LRRC37A2: variants seen among roughly 807,000 people sequenced by gnomAD.
LRRC37A2 encodes leucine-rich repeat-containing protein 37A2.
LRRC37A2 carries 9 observed loss-of-function variants against 68.8 expected under a neutral mutation model. The observed-to-expected ratio is 0.13, with a 90% CI of 0.08 to 0.23. The LOEUF (loss-of-function observed/expected upper bound fraction) is 0.23. Among genes scored for constraint, LRRC37A2 ranks in the 10% least tolerant of loss-of-function variants. LRRC37A2 has a pLI of 1.00. For synonymous variants in LRRC37A2, 63 were observed against 367.6 expected, an observed-to-expected ratio of 0.17 and a Z score of 9.48; for missense variants, 168 against 950.4, an observed-to-expected ratio of 0.18 and a Z score of 10.82.
the LRRC37A2 span, among the ~76,000 whole-genome samples, chr17:46,610,077 CTTCT>C: frequency 1.7e-3 from 154 of 90,228 alleles, 11 homozygotes; most frequent in Middle Eastern, 6.5e-3. Flanking sequence ...CCTTTCTTTC[CTTCT>C]TTCTTTCTTT....
chr17:46,979,251 T>C, the LRRC37A2 span: 10 of 367,144 alleles, frequency 2.7e-5, no homozygotes, highest in East Asian at 4.6e-4. Flanking sequence ...GAGAACCTAG[T>C]GTGCTTAGCG....
At chr17:46,887,460 T>C in the LRRC37A2 span, among the ~76,000 whole-genome samples, 6 of 152,074 alleles carry the variant, frequency 3.9e-5, no homozygotes, top group Non-Finnish European at 7.4e-5. Flanking sequence ...ATAGATATCT[T>C]TCTATAGCAA....
chr17:47,041,299 A>AGCT, the LRRC37A2 span, among the ~76,000 whole-genome samples: 118 of 4,748 alleles, frequency 0.025, no homozygotes, highest in Non-Finnish European at 0.03. Context: ...CACTGTTCTT[A>AGCT]CAGAAATTTT....
chr17:46,816,149 GCACA>G, the LRRC37A2 span, among the ~76,000 whole-genome samples: 25 of 131,188 alleles, frequency 1.9e-4, no homozygotes, highest in Non-Finnish European at 3.0e-4. Context: ...ACGCACGCAC[GCACA>G]CACACACTCA....
chr17:46,906,534 T>C, the LRRC37A2 span, among the ~76,000 whole-genome samples: 1 of 152,248 alleles, frequency 6.6e-6, no homozygotes, highest in Non-Finnish European at 1.5e-5. Context: ...ATCATCCTCA[T>C]GCCTCAGCCT....
chr17:46,822,342 C>T, the LRRC37A2 span, among the ~76,000 whole-genome samples: 1 of 152,198 alleles, frequency 6.6e-6, no homozygotes, highest in Admixed American at 6.5e-5. Context: ...TTTCCACTGC[C>T]CAGCCTAGTT....
chr17:46,779,053 T>TCACAAACACA, the LRRC37A2 span, among the ~76,000 whole-genome samples: 2 of 100,612 alleles, frequency 2.0e-5, no homozygotes, highest in African/African-American at 8.9e-5. Flanking sequence ...CCCTACCCCA[T>TCACAAACACA]CACACACACA....
At chr17:46,761,051 T>C in the LRRC37A2 span, among the ~76,000 whole-genome samples, 1 of 152,148 alleles carries the variant, frequency 6.6e-6, no homozygotes, top group African/African-American at 2.4e-5. Flanking sequence ...ATTAGCTTTA[T>C]GCAAAAGAAA....
At chr17:46,611,429 AAAAG>A in the LRRC37A2 span, among the ~76,000 whole-genome samples, 4 of 48,740 alleles carry the variant, frequency 8.2e-5, no homozygotes, top group African/African-American at 4.1e-4. Context: ...AGTCTTGAAA[AAAAG>A]AGAACAAAAT....
chr17:46,737,908 ATATTAT>A, the LRRC37A2 span, among the ~76,000 whole-genome samples: 5,976 of 145,800 alleles, frequency 0.041, 285 homozygotes, highest in African/African-American at 0.11. Flanking sequence ...TAAAATTAGC[ATATTAT>A]TATTATTATT....
At chr17:46,783,385 C>T in the LRRC37A2 span, among the ~76,000 whole-genome samples, 1 of 152,224 alleles carries the variant, frequency 6.6e-6, no homozygotes, top group Non-Finnish European at 1.5e-5. Context: ...TCATTCACTG[C>T]CTATTCACTC....
At chr17:46,491,040 G>C in the LRRC37A2 span, among the ~76,000 whole-genome samples, 2 of 150,638 alleles carry the variant, frequency 1.3e-5, 1 homozygote, top group African/African-American at 5.0e-5. Flanking sequence ...GACTACAGGT[G>C]CTCGCTGCCA....
At chr17:46,939,287 A>G in the LRRC37A2 span, 16 of 1,023,458 alleles carry the variant, frequency 1.6e-5, no homozygotes, top group Non-Finnish European at 1.8e-5. Flanking sequence ...TGACATGTAG[A>G]TGACTGACTG....
chr17:46,795,004 G>A, the LRRC37A2 span, among the ~76,000 whole-genome samples: 1 of 152,028 alleles, frequency 6.6e-6, no homozygotes, highest in South Asian at 2.1e-4. Flanking sequence ...GCCCGCCTCG[G>A]CCTCCCAAAA....
chr17:46,927,447 T>C, the LRRC37A2 span, among the ~76,000 whole-genome samples: 6 of 152,222 alleles, frequency 3.9e-5, no homozygotes, highest in Non-Finnish European at 4.4e-5. Flanking sequence ...GATTTTGTCT[T>C]ATTTAAGAAA....
chr17:46,859,156 A>C, the LRRC37A2 span, among the ~76,000 whole-genome samples: 1 of 150,084 alleles, frequency 6.7e-6, no homozygotes, highest in African/African-American at 2.5e-5. Flanking sequence ...TTGTATTTTT[A>C]GTGGAGATGG....
At chr17:46,878,392 G>A in the LRRC37A2 span, among the ~76,000 whole-genome samples, 1 of 152,212 alleles carries the variant, frequency 6.6e-6, no homozygotes, top group African/African-American at 2.4e-5. Flanking sequence ...CAAGGGCGAG[G>A]AGGAGCTGCC....
chr17:46,936,282 G>T, the LRRC37A2 span: 3 of 985,296 alleles, frequency 3.0e-6, no homozygotes, highest in African/African-American at 3.5e-5. Context: ...GGCCTTTTAG[G>T]ACCAAACTCC....
intron 6 of LRRC37A2, among the ~76,000 whole-genome samples, chr17:46,534,351 A>G (rs371285258): frequency 6.9e-6 from 1 of 144,404 alleles, no homozygotes; most frequent in Non-Finnish European, 1.5e-5. Context: ...GCGGCCTTCC[A>G]CAGTGTTTGT....
Sources: gnomAD v4.1 joint callset for allele counts (sites outside exome capture counted in the v4.1 genomes callset) on GRCh38, gnomAD v4.1.1 for gene constraint, MANE v1.5 for transcripts, NCBI Gene and HGNC (gene_info 2026-07-23, HGNC 2026-07-21) for gene names.